The following COG3 variants were observed in gnomAD, a reference collection of about 807,000 sequenced individuals.
COG3 encodes the protein component of oligomeric golgi complex 3.
Under a neutral mutation model 114.1 loss-of-function variants are expected in COG3, and 32 were observed. The ratio of observed to expected loss-of-function variants is 0.28; its 90% CI spans 0.21 to 0.38. The LOEUF is 0.38. COG3 is among the 10% of genes least tolerant of loss of function. The probability of loss-of-function intolerance (pLI) is 1.00; values close to 1 mark genes in which losing one functional copy is unlikely to be tolerated. For missense variants in COG3, 813 were observed against 973.2 expected (o/e 0.84, Z 2.19); for synonymous variants, 352 against 365.7 (o/e 0.96, Z 0.43).
Position 45,509,811 on chromosome 13 carries a change from A to G in COG3, c.1714A>G (p.Ile572Val). Residue 572 changes from isoleucine (I) to valine (V), a missense_variant, in exon 15 of 23, where the codon ATA becomes GTA. Physicochemically the swap from Ile to Val is conservative, Grantham distance 29. Around this residue, in one of 2 missense-constraint regions of COG3, gnomAD observed 389 missense variants for 542.6 expected, o/e 0.72. Coordinates refer to ENST00000349995, the MANE Select transcript of COG3 (RefSeq NM_031431.4). The part of the protein sequence containing the change: ...LVCLSKLYRC[I>V]DRAVFQGLSQ... ...CTGTCTCTCCAAATTATACAGATGC[A>G]TAGATGTACGTGTATCTTTACTGTG... 3 of 1,610,892 alleles carry G rather than the reference A, an allele frequency of 1.9e-6. No homozygotes were observed. The highest frequency in any genetic ancestry group is 1.1e-5 in the South Asian group (1 of 90,732).
chr13:45,529,624 T>C (rs1367638232), intron 20 of COG3, among the ~76,000 whole-genome samples, 167 bp from the exon 21 acceptor site: 1 of 152,198 alleles, frequency 6.6e-6, no homozygotes, highest in Non-Finnish European at 1.5e-5. Flanking sequence ...TTTATAGGGC[T>C]TATGATTAAA....
intron 14 of COG3, among the ~76,000 whole-genome samples, chr13:45,508,130 C>A (rs1223839929): frequency 1.4e-5 from 2 of 146,006 alleles, no homozygotes; most frequent in African/African-American, 5.1e-5. Context: ...CAACCTTTCT[C>A]CCTCATCCCT....
At position 45,465,205 on chromosome 13, in the gene COG3, G is replaced by T; in HGVS notation, c.169G>T (p.Ala57Ser). The T allele has an allele frequency of 6.2e-7, 1 of 1,613,432 alleles. No individual in the cohort carries two copies. Among genetic ancestry groups the T allele is most frequent in the Non-Finnish European group, 8.5e-7 (1 of 1,179,798 alleles). Residue 57 changes from alanine (A) to serine (S), a missense_variant, in exon 1 of 23, where the codon GCT (alanine) becomes TCT (serine). Around this residue, in one of 2 missense-constraint regions of COG3, gnomAD observed 424 missense variants for 430.6 expected, o/e 0.98. Coordinates refer to ENST00000349995, the MANE Select transcript of COG3 (RefSeq NM_031431.4). ...KAAAENLPVP[A>S]ELPIEDLCSL... Reference sequence around the variant, plus strand: ...GGCGGCAGAGAACTTGCCGGTGCCAGCTGAGGTGAGGTGATGGGCAGGAAC... The same window carrying T: ...GGCGGCAGAGAACTTGCCGGTGCCATCTGAGGTGAGGTGATGGGCAGGAAC...
At chr13:45,500,094 GTATATATATATATA>G (rs3083326) in intron 13 of COG3, among the ~76,000 whole-genome samples, 42,974 of 114,650 alleles carry the variant, frequency 0.37, 8,630 homozygotes, top group Middle Eastern at 0.52. Flanking sequence ...GTGTGTGTGT[GTATATATATATATA>G]TATATATAAA....
At chr13:45,523,114 A>G (rs1872336671) in intron 19 of COG3, among the ~76,000 whole-genome samples, 1 of 151,684 alleles carries the variant, frequency 6.6e-6, no homozygotes, top group Non-Finnish European at 1.5e-5. Context: ...TTTTAAAGGA[A>G]GTATAATTCC....
chr13:45,535,571 A>C lies in COG3; in HGVS notation c.*840A>C. 2.0e-6 allele frequency: 2 copies of C among 985,680 alleles called. No individual in the cohort carries two copies. The highest frequency in any genetic ancestry group is 2.4e-6 in the Non-Finnish European group (2 of 830,110). The allele number at this position is 985,680 out of a possible 1,614,324, so 61.1% of individuals were successfully genotyped here. A position where few individuals can be genotyped will look rare whatever the true frequency, so the allele number is the denominator to read the frequency against. ...TAGTGTTCCTCCTGAATGAAGGTTCAGGTCACCAGCCTTCTGTACACTGCC... is the reference window on the plus strand; with the variant it reads ...TAGTGTTCCTCCTGAATGAAGGTTCCGGTCACCAGCCTTCTGTACACTGCC... On this transcript the variant is annotated 3_prime_UTR_variant, in exon 23 of 23. Transcript: ENST00000349995.
intron 20 of COG3, among the ~76,000 whole-genome samples, chr13:45,527,865 T>C (rs183284691): frequency 1.3e-5 from 2 of 152,174 alleles, no homozygotes; most frequent in Admixed American, 1.3e-4. Context: ...AAGCAGTTCC[T>C]GAATTATTTA....
chr13:45,534,723 T>G lies in COG3; in HGVS notation c.2479T>G (p.Ser827Ala). ...MEQLSLLLLV[S>A]K ...TCAGCTGAGCCTTCTGCTGTTGGTT[T>G]CTAAATAAGCAGGCCAGCCGGGCTG... The change falls in exon 23 of 23, where the codon TCT (serine) becomes GCT (alanine). Residue 827 changes from serine to alanine, a missense_variant. Physicochemically the swap from Ser to Ala is moderately conservative, Grantham distance 99 (BLOSUM62 1). Coordinates refer to ENST00000349995, the MANE Select transcript of COG3 (RefSeq NM_031431.4). The G allele has an allele frequency of 6.4e-7, 1 of 1,564,656 alleles. No individual in the cohort carries two copies. Among genetic ancestry groups the G allele is most frequent in the Non-Finnish European group, 8.7e-7 (1 of 1,153,736 alleles).
In COG3 at chr13:45,535,360, C is replaced by G. The variant is rs1873481860; in HGVS notation, c.*629C>G. On this transcript the variant is annotated 3_prime_UTR_variant, in exon 23 of 23. Transcript: ENST00000349995. ...AGGACTTTGTGTGAAGCTCCAGCAT[C>G]TGTGCCCCTTGAATTGCTTAGGTGC... 1 of 985,332 alleles carries G rather than the reference C, an allele frequency of 1.0e-6. No homozygotes were observed. Among genetic ancestry groups the G allele is most frequent in the African/African-American group, 1.7e-5 (1 of 57,230 alleles). 61.0% of individuals were successfully genotyped at this position (985,332 alleles called of 1,614,324 possible).
At chr13:45,492,085 G>A (rs533117665) in intron 10 of COG3, 74 bp from the exon 11 acceptor site, 6 of 879,142 alleles carry the variant, frequency 6.8e-6, no homozygotes, top group African/African-American at 1.7e-5. Context: ...CACATAAAGT[G>A]TAGGCTTTAT....
intron 20 of COG3, among the ~76,000 whole-genome samples, chr13:45,525,734 T>C (rs552099571): frequency 6.8e-6 from 1 of 148,078 alleles, no homozygotes; most frequent in East Asian, 2.0e-4. Flanking sequence ...TAAATTGCCA[T>C]TAAACCAGAA....
chr13:45,536,648 C>T lies in COG3; in HGVS notation c.*1917C>T, dbSNP rs1566279360. 6.6e-6 allele frequency: 1 copy of T among 152,130 alleles called. No homozygotes were observed. The highest frequency in any genetic ancestry group is 1.5e-5 in the Non-Finnish European group (1 of 68,020). 9.4% of individuals were successfully genotyped at this position (152,130 alleles called of 1,614,324 possible). A position where few individuals can be genotyped will look rare whatever the true frequency, so the allele number is the denominator to read the frequency against. ...CTACCTTGTCCTCACGTGTCTGATA[C>T]GTGTGTGCATTCCTTGAGGAAAATT... is the stretch of plus-strand genomic sequence containing the variant. On this transcript the variant is annotated 3_prime_UTR_variant, in exon 23 of 23. Coordinates refer to ENST00000349995, the MANE Select transcript of COG3 (RefSeq NM_031431.4).
At chr13:45,508,833 G>A (rs890071672) in intron 14 of COG3, among the ~76,000 whole-genome samples, 1 of 152,114 alleles carries the variant, frequency 6.6e-6, no homozygotes, top group East Asian at 1.9e-4. Context: ...CCTTCCCAGT[G>A]GTGGGGGGAA....
At chr13:45,503,696 A>T (rs1869801649) in intron 14 of COG3, among the ~76,000 whole-genome samples, 1 of 152,132 alleles carries the variant, frequency 6.6e-6, no homozygotes, top group African/African-American at 2.4e-5. Flanking sequence ...AGATAGATAG[A>T]ATAGAATGTA....
chr13:45,465,048 G>C lies in COG3; in HGVS notation c.12G>C (p.Ala4=). Residue 4 remains alanine (A), a synonymous_variant, in exon 1 of 23, where the codon GCG becomes GCC. Transcript: ENST00000349995. The part of the protein sequence containing the change: MAE[A]ALLLLPEAAA... ...CGAGGGCGGCGGCGATGGCGGAGGC[G>C]GCGCTGTTGCTGCTGCCTGAGGCGG... 6.3e-7 allele frequency: 1 copy of C among 1,578,912 alleles called. No individual in the cohort carries two copies. The highest frequency in any genetic ancestry group is 8.6e-7 in the Non-Finnish European group (1 of 1,164,182).
intron 19 of COG3, among the ~76,000 whole-genome samples, chr13:45,520,290 A>AT (rs901136606): frequency 5.4e-4 from 70 of 130,526 alleles, no homozygotes; most frequent in Admixed American, 8.0e-4. Flanking sequence ...TGTCTCAAAA[A>AT]AAAAATAAAA....
intron 20 of COG3, among the ~76,000 whole-genome samples, chr13:45,526,829 A>G (rs1872743851): frequency 1.3e-5 from 2 of 152,220 alleles, no homozygotes; most frequent in South Asian, 2.1e-4. Flanking sequence ...ATAGTCTGAC[A>G]TAGTATTAAC....
At chr13:45,498,148 T>C (rs1357356334) in intron 13 of COG3, among the ~76,000 whole-genome samples, 2 of 151,174 alleles carry the variant, frequency 1.3e-5, no homozygotes, top group Non-Finnish European at 3.0e-5. Context: ...CTTTATCTCT[T>C]TGTGTGTGTG....
intron 8 of COG3, among the ~76,000 whole-genome samples, chr13:45,487,258 A>T (rs2985956): frequency 0.71 from 107,515 of 152,144 alleles, 39,861 homozygotes; most frequent in Admixed American, 0.81. Context: ...AAAATGGATT[A>T]CAGACTGAAG....
Sources: gnomAD v4.1 joint callset for allele counts (sites outside exome capture counted in the v4.1 genomes callset) on GRCh38, gnomAD v4.1.1 for gene constraint, gnomAD v4.1.1 regional missense constraint, MANE v1.5 for transcripts, NCBI Gene and HGNC (gene_info 2026-07-23, HGNC 2026-07-21) for gene names.